RABEPK: variants seen among roughly 807,000 people sequenced by gnomAD.
The protein encoded by RABEPK is Rab9 effector protein with kelch motifs, also known as 40 kDa Rab9 effector protein.
In RABEPK, 27 loss-of-function variants were observed where a neutral mutation model predicts 34.1. The observed-to-expected ratio is 0.79, with a 90% CI of 0.58 to 1.09. The LOEUF is 1.09. Among genes scored for constraint, RABEPK ranks in the 50% least tolerant of loss-of-function variants. The pLI is 0.00. For missense variants in RABEPK, 449 were observed against 462.6 expected, an observed-to-expected ratio of 0.97 and a Z score of 0.27; for synonymous variants, 172 against 169.2, an observed-to-expected ratio of 1.02 and a Z score of -0.13.
In RABEPK at chr9:125,207,550, C is replaced by G; in HGVS notation, c.54-14C>G. On this transcript the variant is annotated splice_polypyrimidine_tract_variant and intron_variant, in intron 2 of 7. Transcript: ENST00000373538. ...CTCTGCTCAGGCCTCCTGAATACAT[C>G]CTTCCTTTGGCAGGTACACCTTGAC... is the stretch of plus-strand genomic sequence containing the variant. The G allele has an allele frequency of 6.2e-7, 1 of 1,612,584 alleles. No homozygotes were observed. The highest frequency in any genetic ancestry group is 1.6e-4 in the Middle Eastern group (1 of 6,062).
At chr9:125,217,598 A>G (rs764582475) in intron 4 of RABEPK, among the ~76,000 whole-genome samples, 8 of 152,122 alleles carry the variant, frequency 5.3e-5, no homozygotes, top group Non-Finnish European at 1.2e-4. Flanking sequence ...ATTTTCTATC[A>G]TATCCCTTTT....
At chr9:125,202,002 C>G (rs1275582305) in intron 1 of RABEPK, among the ~76,000 whole-genome samples, 1 of 145,982 alleles carries the variant, frequency 6.9e-6, no homozygotes, top group Non-Finnish European at 1.5e-5. Flanking sequence ...CGAGGCGAGC[C>G]AAGTTCAAGA....
At chr9:125,212,856 G>T (rs1830677297) in intron 3 of RABEPK, among the ~76,000 whole-genome samples, 1 of 151,662 alleles carries the variant, frequency 6.6e-6, no homozygotes, top group African/African-American at 2.4e-5. Context: ...TTTTAGTAGA[G>T]ATGAGGTTTC....
intron 5 of RABEPK, among the ~76,000 whole-genome samples, chr9:125,226,476 G>C (rs931542918): frequency 6.6e-6 from 1 of 152,000 alleles, no homozygotes; most frequent in Non-Finnish European, 1.5e-5. Context: ...CTATATCCTA[G>C]CACTTTGGGA....
chr9:125,201,928 T>A (rs561895507), intron 1 of RABEPK, among the ~76,000 whole-genome samples: 1 of 148,322 alleles, frequency 6.7e-6, no homozygotes, highest in South Asian at 2.3e-4. Flanking sequence ...CTATTTTTAA[T>A]TAAAAAATAA....
chr9:125,202,984 A>G, intron 1 of RABEPK, 24 bp from the exon 2 acceptor site: 1 of 1,606,024 alleles, frequency 6.2e-7, no homozygotes, highest in Non-Finnish European at 8.5e-7. Context: ...GTGTCTAAAA[A>G]GTGCCTTTCT....
At chr9:125,215,693 T>C (rs1338327898) in intron 4 of RABEPK, among the ~76,000 whole-genome samples, 1 of 152,144 alleles carries the variant, frequency 6.6e-6, no homozygotes, top group Non-Finnish European at 1.5e-5. Flanking sequence ...TTATGAACAT[T>C]TAGTTCTTTT....
chr9:125,210,235 C>G (rs1383717102), intron 3 of RABEPK, among the ~76,000 whole-genome samples: 1 of 150,894 alleles, frequency 6.6e-6, no homozygotes, highest in Non-Finnish European at 1.5e-5. Flanking sequence ...AACCCTGTCT[C>G]TACTAAAAAT....
chr9:125,208,555 A>G (rs1166014076), intron 3 of RABEPK, among the ~76,000 whole-genome samples: 3 of 142,018 alleles, frequency 2.1e-5, no homozygotes, highest in African/African-American at 7.9e-5. Context: ...TTTTTTTTTT[A>G]GACGGAGTCC....
Position 125,213,390 on chromosome 9 carries a change from G to C in RABEPK, c.232G>C (p.Asp78His). 1 of 1,612,792 alleles carries C rather than the reference G, an allele frequency of 6.2e-7. No individual in the cohort carries two copies. The highest frequency in any genetic ancestry group is 8.5e-7 in the Non-Finnish European group (1 of 1,179,604). Reference protein sequence around the residue: ...MDLGKHQWDLDTCKGLLPRYE... With the variant: ...MDLGKHQWDLHTCKGLLPRYE... The stretch of plus-strand genomic sequence containing the variant: ...TCCAGGAAAACACCAGTGGGACTTA[G>C]ATACCTGCAAGGGCCTCTTGCCCCG... Residue 78 changes from aspartate to histidine, a missense_variant, in exon 4 of 8, where the codon GAT becomes CAT. Coordinates refer to ENST00000373538, the MANE Select transcript of RABEPK (RefSeq NM_005833.4).
intron 6 of RABEPK, among the ~76,000 whole-genome samples, chr9:125,231,190 A>G (rs957908790): frequency 5.3e-5 from 8 of 152,010 alleles, no homozygotes; most frequent in African/African-American, 1.9e-4. Context: ...GCTACTCTGG[A>G]GGCTGAGGCA....
chr9:125,233,655 C>G, intron 7 of RABEPK, 33 bp from the exon 8 acceptor site: 1 of 1,593,026 alleles, frequency 6.3e-7, no homozygotes, highest in Admixed American at 1.7e-5. Context: ...CTGGAAATTT[C>G]TTAACATGAA....
At chr9:125,229,409 C>T (rs1266147484) in intron 6 of RABEPK, among the ~76,000 whole-genome samples, 3 of 151,838 alleles carry the variant, frequency 2.0e-5, no homozygotes, top group Non-Finnish European at 4.4e-5. Flanking sequence ...CCAGCCTAGA[C>T]GACAGAGTGA....
At chr9:125,212,550 C>G (rs113205685) in intron 3 of RABEPK, among the ~76,000 whole-genome samples, 1 of 151,834 alleles carries the variant, frequency 6.6e-6, no homozygotes, top group Non-Finnish European at 1.5e-5. Flanking sequence ...GTGAACTTGT[C>G]TTAGCCAGCC....
At position 125,220,681 on chromosome 9, in the gene RABEPK, G is replaced by A. The variant is rs1007130903; in HGVS notation, c.507G>A (p.Lys169=). The A allele has an allele frequency of 1.2e-6, 2 of 1,614,058 alleles. No individual in the cohort carries two copies. Among genetic ancestry groups the A allele is most frequent in the African/African-American group, 2.7e-5 (2 of 74,950 alleles). ...ERGAQPVQDT[K]LHVFDANTLT... The stretch of plus-strand genomic sequence containing the variant: ...GTGCCCAGCCCGTGCAGGACACGAA[G>A]CTGCATGTGTTTGACGCAAGTATGG... The change falls in exon 5 of 8, where the codon AAG becomes AAA. Residue 169 remains lysine, a synonymous_variant. Coordinates refer to ENST00000373538, the MANE Select transcript of RABEPK (RefSeq NM_005833.4).
rs752711560 is a variant in RABEPK at position 125,232,610 on chromosome 9, C to T, written c.691C>T (p.Gln231Ter). The T allele has an allele frequency of 6.2e-7, 1 of 1,611,774 alleles. No homozygotes were observed. Among genetic ancestry groups the T allele is most frequent in the South Asian group, 1.1e-5 (1 of 90,622 alleles). Residue 231 changes from glutamine to a stop codon, truncating the protein, a stop_gained, in exon 7 of 8, where the codon CAG becomes TAG. Transcript: ENST00000373538. LOFTEE classifies it high-confidence loss of function. ...TCTCTTGGCAGGTGACATGAAATGG[C>T]AGAAGCTAAATCCCACTGGGGCTGC... ...HCIDISDMKW[Q>*]KLNPTGAAPA...
chr9:125,212,377 G>A (rs1830643485), intron 3 of RABEPK, among the ~76,000 whole-genome samples: 1 of 152,106 alleles, frequency 6.6e-6, no homozygotes, highest in East Asian at 1.9e-4. Context: ...CTGCCATCGC[G>A]CCCAGCTAAT....
chr9:125,208,992 G>A (rs1830417759), intron 3 of RABEPK, among the ~76,000 whole-genome samples: 1 of 151,372 alleles, frequency 6.6e-6, no homozygotes, highest in African/African-American at 2.4e-5. Context: ...TACCTAGCCA[G>A]CGAATATCAT....
Position 125,228,057 on chromosome 9 carries a change from T to TA in RABEPK, c.676dup (p.Ser226LysfsTer2). ...TATGATGACCTCCACTGCATTGATA[T>TA]AAGTAAGCAGGGCATGGGGGCTTGT... On this transcript the variant is annotated frameshift_variant and splice_region_variant, in exon 6 of 8. Transcript: ENST00000373538. LOFTEE classifies it high-confidence loss of function. 1 of 1,552,730 alleles carries TA rather than the reference T, an allele frequency of 6.4e-7. No individual in the cohort carries two copies. Among genetic ancestry groups the TA allele is most frequent in the Non-Finnish European group, 8.7e-7 (1 of 1,145,242 alleles).
Sources: allele counts gnomAD v4.1 joint callset (sites outside exome capture counted in the v4.1 genomes callset), GRCh38; gene constraint gnomAD v4.1.1; transcripts MANE v1.5; gene names NCBI Gene and HGNC (gene_info 2026-07-23, HGNC 2026-07-21).